Variants in C6orf120 observed in about 807,000 individuals in gnomAD.
The protein encoded by C6orf120 is chromosome 6 open reading frame 120, also known as UPF0669 protein C6orf120.
For synonymous variants in C6orf120, 165 were observed against 123.1 expected, an observed-to-expected ratio of 1.34 and a Z score of -2.25; for missense variants, 311 against 264.2, an observed-to-expected ratio of 1.18 and a Z score of -1.23.
At chr6:169,703,198 A>G (rs1204447715) in exon 1 of C6orf120, 1 of 696,002 alleles carries the variant, frequency 1.4e-6, no homozygotes, top group East Asian at 2.7e-5. Flanking sequence ...TACCCCAAAA[A>G]TAGGAAAAGC....
At chr6:169,704,129 T>G (rs1345264932) in exon 1 of C6orf120, 1 of 1,455,188 alleles carries the variant, frequency 6.9e-7, no homozygotes, top group South Asian at 1.3e-5. Context: ...AAATTATCTT[T>G]ACAGGACTGA....
chr6:169,706,279 G>A (rs751808393), downstream of C6orf120, among the ~76,000 whole-genome samples: 2 of 151,964 alleles, frequency 1.3e-5, no homozygotes, highest in Non-Finnish European at 2.9e-5. Flanking sequence ...ATACATTGGC[G>A]TGTACATAAA....
exon 1 of C6orf120, chr6:169,702,558 G>T: frequency 1.2e-6 from 2 of 1,612,872 alleles, no homozygotes; most frequent in South Asian, 1.1e-5. Context: ...CGGACGAGGA[G>T]GAGGTCCCCG....
At chr6:169,705,778 T>G, downstream of C6orf120, 1 of 882,484 alleles carries the variant, frequency 1.1e-6, no homozygotes. Flanking sequence ...TACTATGGGT[T>G]TAAAAGGAAT....
chr6:169,705,971 C>T (rs1335588902), downstream of C6orf120, among the ~76,000 whole-genome samples: 6 of 152,174 alleles, frequency 3.9e-5, no homozygotes, highest in South Asian at 1.2e-3. Flanking sequence ...TTCTATACTC[C>T]CTACATGCAC....
downstream of C6orf120, chr6:169,705,601 C>T: frequency 8.2e-7 from 1 of 1,219,250 alleles, no homozygotes; most frequent in Non-Finnish European, 1.2e-6. Flanking sequence ...TTTAAAAAGA[C>T]ATTTCAATAC....
exon 1 of C6orf120, chr6:169,702,260 C>T (rs1183518304): frequency 1.4e-6 from 1 of 692,432 alleles, no homozygotes; most frequent in Non-Finnish European, 2.6e-6. Flanking sequence ...GTGGGCGCCG[C>T]GCTACGGGGG....
exon 1 of C6orf120, chr6:169,703,317 G>C (rs889203953): frequency 4.3e-6 from 2 of 467,574 alleles, no homozygotes; most frequent in African/African-American, 3.9e-5. Context: ...GCAGTAACAG[G>C]TTTATATAAA....
exon 1 of C6orf120, chr6:169,702,840 C>T: frequency 1.2e-6 from 2 of 1,612,084 alleles, no homozygotes; most frequent in Non-Finnish European, 8.5e-7. Context: ...ACCTGGAGAG[C>T]GAGTTCGAGA....
chr6:169,706,251 T>C (rs1405170310), downstream of C6orf120, among the ~76,000 whole-genome samples: 1 of 152,218 alleles, frequency 6.6e-6, no homozygotes, highest in Admixed American at 6.5e-5. Context: ...ACATTTTTAA[T>C]TGAAAGATGT....
chr6:169,703,088 A>G, exon 1 of C6orf120: 1 of 1,506,914 alleles, frequency 6.6e-7, no homozygotes, highest in Non-Finnish European at 9.0e-7. Flanking sequence ...AGCTGATTGC[A>G]GTTTGCTGTG....
downstream of C6orf120, chr6:169,705,348 T>A (rs765912772): frequency 1.3e-6 from 2 of 1,512,346 alleles, no homozygotes; most frequent in African/African-American, 2.8e-5. Flanking sequence ...ATTAGTGGTA[T>A]CTCACATAAG....
At chr6:169,703,748 C>A in exon 1 of C6orf120, 1 of 462,880 alleles carries the variant, frequency 2.2e-6, no homozygotes, top group Non-Finnish European at 3.9e-6. Context: ...TATGGAGAAA[C>A]AGTTAAGTAT....
chr6:169,702,365 C>G (rs1055356234), exon 1 of C6orf120: 1 of 754,500 alleles, frequency 1.3e-6, no homozygotes, highest in Non-Finnish European at 2.1e-6. Flanking sequence ...CGTGGACCCG[C>G]GTGCGGACGG....
chr6:169,702,685 G>A (rs1439437025), exon 1 of C6orf120: 2 of 1,613,508 alleles, frequency 1.2e-6, no homozygotes, highest in African/African-American at 2.7e-5. Flanking sequence ...CAAGGGAGAT[G>A]CGGATCTGTA....
chr6:169,704,006 T>C (rs201833587), exon 1 of C6orf120: 312 of 1,599,334 alleles, frequency 2.0e-4, no homozygotes, highest in Admixed American at 1.8e-5. Flanking sequence ...AACTATTTTA[T>C]CCCTCTTTGC....
downstream of C6orf120, chr6:169,705,517 G>C: frequency 1.3e-6 from 1 of 786,578 alleles, no homozygotes; most frequent in Non-Finnish European, 2.2e-6. Flanking sequence ...TATTTAATTT[G>C]GTGACTCTTT....
chr6:169,704,953 G>C (rs1196655694), downstream of C6orf120: 1 of 433,746 alleles, frequency 2.3e-6, no homozygotes. Context: ...TTATCCTTTA[G>C]TTGGAATTGT....
downstream of C6orf120, among the ~76,000 whole-genome samples, chr6:169,705,884 G>T (rs995277165): frequency 3.9e-5 from 6 of 152,124 alleles, no homozygotes; most frequent in Admixed American, 2.0e-4. Flanking sequence ...TACAATGTAA[G>T]ACTGCCTACT....
Sources: allele counts gnomAD v4.1 joint callset (sites outside exome capture counted in the v4.1 genomes callset), GRCh38; gene constraint gnomAD v4.1.1; transcripts MANE v1.5; gene names NCBI Gene and HGNC (gene_info 2026-07-23, HGNC 2026-07-21).